Variants in JAK2 observed in about 807,000 individuals in gnomAD.
JAK2 encodes the protein Janus kinase 2, also known as tyrosine-protein kinase JAK2.
A neutral mutation model predicts 139.3 loss-of-function variants in JAK2; 86 were observed. The ratio of observed to expected loss-of-function variants is 0.62; its 90% CI spans 0.52 to 0.74. The LOEUF is 0.74. Among genes scored for constraint, JAK2 ranks in the 30% least tolerant of loss-of-function variants. The probability of loss-of-function intolerance (pLI) is 0.00; values close to 1 mark genes in which losing one functional copy is unlikely to be tolerated. For missense variants in JAK2, 1,421 were observed against 1,360.3 expected, an observed-to-expected ratio of 1.04 and a Z score of -0.70; for synonymous variants, 490 against 437.7, an observed-to-expected ratio of 1.12 and a Z score of -1.49.
intron 22 of JAK2, among the ~76,000 whole-genome samples, chr9:5,117,924 A>G (rs1823329763): frequency 6.6e-6 from 1 of 152,338 alleles, no homozygotes; most frequent in South Asian, 2.1e-4. Context: ...TTAAGTATAT[A>G]TGCTCACTAA....
intron 22 of JAK2, among the ~76,000 whole-genome samples, chr9:5,115,348 A>T (rs1241008883): frequency 6.6e-6 from 1 of 152,226 alleles, no homozygotes; most frequent in Non-Finnish European, 1.5e-5. Flanking sequence ...ATGCAAATCA[A>T]AACCAGAGTG....
At chr9:5,035,757 T>A (rs1029265804) in intron 4 of JAK2, among the ~76,000 whole-genome samples, 13 of 152,208 alleles carry the variant, frequency 8.5e-5, no homozygotes, top group Admixed American at 2.0e-4. Context: ...ATCTATGACA[T>A]ACCGACAGCC....
chr9:5,120,803 T>C (rs10815161), intron 22 of JAK2, among the ~76,000 whole-genome samples: 26,004 of 152,158 alleles, frequency 0.17, 2,582 homozygotes, highest in Middle Eastern at 0.23. Flanking sequence ...GAGTGAAAGA[T>C]GCGTCAAAAA....
intron 8 of JAK2, among the ~76,000 whole-genome samples, chr9:5,058,575 T>C (rs917685013): frequency 2.0e-5 from 3 of 152,162 alleles, no homozygotes; most frequent in Admixed American, 6.5e-5. Flanking sequence ...TACCTAGAAG[T>C]AGAATTGCTG....
At chr9:5,014,010 A>G (rs1346198530) in intron 2 of JAK2, among the ~76,000 whole-genome samples, 2 of 152,104 alleles carry the variant, frequency 1.3e-5, no homozygotes, top group Admixed American at 1.3e-4. Flanking sequence ...CTTCATGTAT[A>G]TTTATTGATC....
intron 22 of JAK2, among the ~76,000 whole-genome samples, chr9:5,122,151 A>G (rs1258998568): frequency 2.6e-5 from 4 of 152,116 alleles, no homozygotes; most frequent in African/African-American, 9.7e-5. Flanking sequence ...GGGATTTTGA[A>G]GGAGAGATTA....
intron 16 of JAK2, 85 bp from the exon 17 acceptor site, chr9:5,080,144 G>C (rs1819584770): frequency 1.9e-6 from 2 of 1,063,660 alleles, no homozygotes; most frequent in East Asian, 4.9e-5. Flanking sequence ...TTATTCAAAT[G>C]ATTTGAACTT....
chr9:5,063,817 A>G (rs932283816), intron 8 of JAK2, among the ~76,000 whole-genome samples: 1 of 152,188 alleles, frequency 6.6e-6, no homozygotes, highest in Non-Finnish European at 1.5e-5. Context: ...TTTCCCATGT[A>G]AGTAACATGC....
chr9:5,087,518 T>C (rs1820226453), intron 19 of JAK2, among the ~76,000 whole-genome samples: 2 of 151,826 alleles, frequency 1.3e-5, no homozygotes. Flanking sequence ...CAAACCCTTC[T>C]GGTTTTCTAT....
intron 2 of JAK2, among the ~76,000 whole-genome samples, chr9:5,012,899 T>C (rs938793198): frequency 6.6e-6 from 1 of 152,104 alleles, no homozygotes; most frequent in Non-Finnish European, 1.5e-5. Flanking sequence ...GGAGGCAAAG[T>C]AGACTTAGGG....
At chr9:5,065,302 A>G (rs1818489597) in intron 9 of JAK2, among the ~76,000 whole-genome samples, 1 of 152,204 alleles carries the variant, frequency 6.6e-6, no homozygotes, top group African/African-American at 2.4e-5. Context: ...TCACTCCTGC[A>G]TGTTACTAAA....
In JAK2 at chr9:5,082,487, T is replaced by C. The variant is rs117711236; in HGVS notation, c.2571+626T>C. Reference sequence around the variant, plus strand: ...TTCTCCTATCTCAGAAATGAACAAATGTATAATTGGGTTTTATACCGAGGC... The same window carrying C: ...TTCTCCTATCTCAGAAATGAACAAACGTATAATTGGGTTTTATACCGAGGC... On this transcript the variant is annotated intron_variant, in intron 19 of 24. Transcript: ENST00000381652. 9.5e-3 allele frequency among the ~76,000 whole-genome samples: 1,447 copies of C among 152,368 alleles called. 12 individuals carry two copies. The highest frequency in any genetic ancestry group is 0.017 in the Middle Eastern group (5 of 294).
chr9:4,984,943 C>G (rs1374052457), upstream of JAK2: 1 of 152,306 alleles, frequency 6.6e-6, no homozygotes, highest in Non-Finnish European at 1.5e-5. Context: ...GGAATCTCCA[C>G]GCGCGCTCGC....
In JAK2 at chr9:5,037,747, C is replaced by T. The variant is rs201478946; in HGVS notation, c.351-6656C>T. On this transcript the variant is annotated intron_variant, in intron 4 of 24. Transcript: ENST00000381652. ...AGGAGGGATAGCATTAGGAAATATA[C>T]CTAATGTTAAATGACGAGTTACTGG... Among the ~76,000 whole-genome samples, 277 of 152,030 alleles carry T rather than the reference C, an allele frequency of 1.8e-3. 5 individuals are homozygous for T. Among genetic ancestry groups the T allele is most frequent in the Non-Finnish European group, 2.2e-4 (15 of 68,018 alleles).
At chr9:5,018,736 G>C (rs1822227093) in intron 2 of JAK2, among the ~76,000 whole-genome samples, 1 of 152,168 alleles carries the variant, frequency 6.6e-6, no homozygotes, top group African/African-American at 2.4e-5. Context: ...GCTTGCCTCA[G>C]AAAAACTATT....
rs1817630851 is a variant in JAK2 at position 5,054,541 on chromosome 9, G to A, written c.615-22G>A. On this transcript the variant is annotated intron_variant, in intron 6 of 24. Transcript: ENST00000381652. The surrounding 1 kb of genome is among the most constrained non-coding windows in gnomAD (Gnocchi z 4.9). The stretch of plus-strand genomic sequence containing the variant: ...AATTTTTGTTTTGTTTTGTTTTTCT[G>A]TATGTGCTTTTTTATCCCTAGCTAC... The A allele has an allele frequency of 6.5e-7, 1 of 1,527,458 alleles. No individual in the cohort carries two copies. Among genetic ancestry groups the A allele is most frequent in the Non-Finnish European group, 8.8e-7 (1 of 1,134,224 alleles). 94.6% of individuals were successfully genotyped at this position (1,527,458 alleles called of 1,614,324 possible).
chr9:5,124,670 A>C (rs1823858661), intron 23 of JAK2, among the ~76,000 whole-genome samples: 1 of 151,948 alleles, frequency 6.6e-6, no homozygotes. Context: ...TTATAAGGCT[A>C]CAGTAACCAA....
At chr9:5,103,420 G>A (rs1821688430) in intron 22 of JAK2, among the ~76,000 whole-genome samples, 1 of 151,630 alleles carries the variant, frequency 6.6e-6, no homozygotes, top group African/African-American at 2.4e-5. Context: ...GATTCATAAA[G>A]CAAGTCCTTA....
At chr9:4,992,076 G>A (rs1363553825) in intron 2 of JAK2, among the ~76,000 whole-genome samples, 1 of 152,154 alleles carries the variant, frequency 6.6e-6, no homozygotes, top group Non-Finnish European at 1.5e-5. Flanking sequence ...CTCCACAATG[G>A]CTACTAGGAC....
Sources: allele counts gnomAD v4.1 joint callset (sites outside exome capture counted in the v4.1 genomes callset), GRCh38; gene constraint gnomAD v4.1.1; non-coding constraint Gnocchi (gnomAD v3.1); transcripts MANE v1.5; gene names NCBI Gene and HGNC (gene_info 2026-07-23, HGNC 2026-07-21).